The following GRM1 variants were observed in gnomAD, a reference collection of about 807,000 sequenced individuals.
The protein encoded by GRM1 is glutamate metabotropic receptor 1.
GRM1 carries 33 observed loss-of-function variants against 90.9 expected under a neutral mutation model. The observed-to-expected ratio is 0.36, with a 90% CI of 0.28 to 0.49. The LOEUF is 0.49. Among genes scored for constraint, GRM1 ranks in the 20% least tolerant of loss-of-function variants. GRM1 has a pLI of 0.99. For missense variants in GRM1, 1,190 were observed against 1,534.3 expected, an observed-to-expected ratio of 0.78 and a Z score of 3.75; for synonymous variants, 700 against 613.2, an observed-to-expected ratio of 1.14 and a Z score of -2.09.
intron 2 of GRM1, among the ~76,000 whole-genome samples, chr6:146,206,789 C>A (rs907266534): frequency 6.6e-6 from 1 of 151,976 alleles, no homozygotes; most frequent in South Asian, 2.1e-4. Flanking sequence ...CTTTTCTGCT[C>A]CTCTCTCTTC....
At chr6:146,071,590 T>G (rs1776019045) in intron 1 of GRM1, among the ~76,000 whole-genome samples, 1 of 152,174 alleles carries the variant, frequency 6.6e-6, no homozygotes, top group East Asian at 1.9e-4. Flanking sequence ...TACTAAAATC[T>G]GTTACTTTTT....
rs57950742 is a variant in GRM1 at position 146,434,862 on chromosome 6, A to C, written c.*66A>C. The C allele has an allele frequency of 2.6e-3, 3,628 of 1,390,590 alleles. 70 individuals carry two copies. In the African/African-American group the frequency reaches 0.045, roughly 17 times the overall value. The allele number at this position is 1,390,590 out of a possible 1,614,324, so 86.1% of individuals were successfully genotyped here. Reference sequence around the variant, plus strand: ...TCTCCCACACCTCCAGAGATGTGCAAACAGCTGGGAGGAAAAGCCTGGGAG... The same window carrying C: ...TCTCCCACACCTCCAGAGATGTGCACACAGCTGGGAGGAAAAGCCTGGGAG... On this transcript the variant is annotated 3_prime_UTR_variant, in exon 8 of 8. Coordinates refer to ENST00000282753, the MANE Select transcript of GRM1 (RefSeq NM_001278064.2).
In GRM1 at chr6:146,029,978, A is replaced by G; in HGVS notation, c.461A>G (p.Lys154Arg). The change falls in exon 1 of 8, where the codon AAG (lysine) becomes AGG (arginine). Residue 154 changes from lysine (K) to arginine (R), a missense_variant. Physicochemically the swap from Lys to Arg is conservative, Grantham distance 26. Coordinates refer to ENST00000282753, the MANE Select transcript of GRM1 (RefSeq NM_001278064.2). ...GQSLPPGRTK[K>R]PIAGVIGPGS... Reference sequence around the variant, plus strand: ...TCCCTCCCCCCAGGCAGGACTAAGAAGCCCATTGCGGGAGTGATCGGTCCC... The same window carrying G: ...TCCCTCCCCCCAGGCAGGACTAAGAGGCCCATTGCGGGAGTGATCGGTCCC... 1 of 1,614,152 alleles carries G rather than the reference A, an allele frequency of 6.2e-7. No homozygotes were observed. The highest frequency in any genetic ancestry group is 8.5e-7 in the Non-Finnish European group (1 of 1,180,020).
chr6:146,209,660 A>G (rs1006602623), intron 2 of GRM1, among the ~76,000 whole-genome samples: 2 of 152,160 alleles, frequency 1.3e-5, no homozygotes, highest in African/African-American at 2.4e-5. Flanking sequence ...TATTTCATTC[A>G]TGGAAGGGAG....
chr6:146,398,542 A>G (rs996254898), intron 6 of GRM1, among the ~76,000 whole-genome samples: 3 of 152,212 alleles, frequency 2.0e-5, no homozygotes, highest in Non-Finnish European at 4.4e-5. Flanking sequence ...TTATAGGTTC[A>G]AGTATGTCAC....
At chr6:146,135,676 G>T (rs969020036) in intron 1 of GRM1, among the ~76,000 whole-genome samples, 2 of 152,088 alleles carry the variant, frequency 1.3e-5, no homozygotes, top group African/African-American at 4.8e-5. Context: ...CATAGTAAGG[G>T]TATATATTTA....
chr6:146,179,281 TAA>T (rs1254932231), intron 2 of GRM1, among the ~76,000 whole-genome samples: 8 of 152,142 alleles, frequency 5.3e-5, no homozygotes, highest in African/African-American at 1.9e-4. Flanking sequence ...CTGGAAAAGA[TAA>T]AGTTTTACTT....
Position 146,435,148 on chromosome 6 carries a change from T to C in GRM1, c.*352T>C. ...CCTCTTTTGCACAATTGTGCATAGATATATATATGCCCACACACACTGGGC... is the reference window on the plus strand; with the variant it reads ...CCTCTTTTGCACAATTGTGCATAGACATATATATGCCCACACACACTGGGC... On this transcript the variant is annotated 3_prime_UTR_variant, in exon 8 of 8. Transcript: ENST00000282753. The C allele has an allele frequency of 2.5e-6, 1 of 395,048 alleles. No homozygotes were observed. The highest frequency in any genetic ancestry group is 3.7e-5 in the Admixed American group (1 of 27,170). The allele number at this position is 395,048 out of a possible 1,614,324, so 24.5% of individuals were successfully genotyped here.
chr6:146,390,337 CT>C (rs1344675246), intron 6 of GRM1, among the ~76,000 whole-genome samples: 1 of 151,646 alleles, frequency 6.6e-6, no homozygotes, highest in Non-Finnish European at 1.5e-5. Flanking sequence ...AGAGAAAGTG[CT>C]TTTTGAAGCT....
At chr6:146,083,057 A>C (rs1582977119) in intron 1 of GRM1, among the ~76,000 whole-genome samples, 1 of 152,092 alleles carries the variant, frequency 6.6e-6, no homozygotes, top group South Asian at 2.1e-4. Flanking sequence ...TGGTGTATAC[A>C]AATGCTTGTG....
intron 2 of GRM1, among the ~76,000 whole-genome samples, chr6:146,256,884 C>T (rs6904427): frequency 0.095 from 14,442 of 152,090 alleles, 1,822 homozygotes; most frequent in African/African-American, 0.28. Flanking sequence ...GTGGATTTCC[C>T]AGGGGTGTTC....
chr6:146,359,005 A>G (rs1775349059), intron 5 of GRM1, among the ~76,000 whole-genome samples: 1 of 152,174 alleles, frequency 6.6e-6, no homozygotes, highest in African/African-American at 2.4e-5. Context: ...TGCCATGGCT[A>G]TGGTAAATCT....
At position 146,434,173 on chromosome 6, in the gene GRM1, A is replaced by G. The variant is rs1583495145; in HGVS notation, c.2962A>G (p.Thr988Ala). 4 of 1,612,798 alleles carry G rather than the reference A, an allele frequency of 2.5e-6. No individual in the cohort carries two copies. The highest frequency in any genetic ancestry group is 3.4e-6 in the Non-Finnish European group (4 of 1,179,330). ...VHRRVPSAATTPPLPSHLTAE... is the reference protein window; with the variant it reads ...VHRRVPSAATAPPLPSHLTAE... ...CAGGCGCGTGCCAAGCGCGGCGACCACTCCGCCTCTGCCGTCCCACCTGAC... is the reference window on the plus strand; with the variant it reads ...CAGGCGCGTGCCAAGCGCGGCGACCGCTCCGCCTCTGCCGTCCCACCTGAC... Residue 988 changes from threonine (T) to alanine (A), a missense_variant, in exon 8 of 8, where the codon ACT becomes GCT. Around this residue, in one of 10 missense-constraint regions of GRM1, gnomAD observed 400 missense variants for 360.8 expected, o/e 1.11. Coordinates refer to ENST00000282753, the MANE Select transcript of GRM1 (RefSeq NM_001278064.2).
chr6:146,357,788 C>A, intron 5 of GRM1, 94 bp downstream of exon 5: 1 of 1,032,288 alleles, frequency 9.7e-7, no homozygotes, highest in Non-Finnish European at 1.5e-6. Context: ...AAAAACATAA[C>A]TGTCTAGAAA....
chr6:146,062,315 G>A (rs1270057777), intron 1 of GRM1, among the ~76,000 whole-genome samples: 1 of 151,000 alleles, frequency 6.6e-6, no homozygotes, highest in Non-Finnish European at 1.5e-5. Context: ...AACATAAGGA[G>A]GGGAACATCA....
chr6:146,071,554 T>C lies in GRM1; in HGVS notation c.700+41337T>C, dbSNP rs191915648. On this transcript the variant is annotated intron_variant, in intron 1 of 7. Coordinates refer to ENST00000282753, the MANE Select transcript of GRM1 (RefSeq NM_001278064.2). ...AAAGGCAAGACTTTTTGGAAGAGCA[T>C]GGTTTCTTTAGAAAGCATGAAGCAT... Among the ~76,000 whole-genome samples the C allele has an allele frequency of 2.0e-5, 3 of 152,294 alleles. No homozygotes were observed. The East Asian group carries it at 5.8e-4, about 29-fold the overall frequency.
intron 2 of GRM1, among the ~76,000 whole-genome samples, chr6:146,179,638 C>T (rs2114539485): frequency 6.6e-6 from 1 of 152,298 alleles, no homozygotes; most frequent in Non-Finnish European, 1.5e-5. Flanking sequence ...CTCAGCCTCC[C>T]AAGAAGCTGG....
intron 5 of GRM1, among the ~76,000 whole-genome samples, chr6:146,384,881 C>T (rs1324817270): frequency 2.0e-5 from 3 of 151,906 alleles, no homozygotes; most frequent in Admixed American, 6.6e-5. Context: ...GGATTAACAG[C>T]ACATTAATTG....
At chr6:146,101,848 A>G (rs963966146) in intron 1 of GRM1, among the ~76,000 whole-genome samples, 1 of 148,826 alleles carries the variant, frequency 6.7e-6, no homozygotes. Flanking sequence ...TAATTACTAT[A>G]ATATAATTAT....
Sources: allele counts gnomAD v4.1 joint callset (sites outside exome capture counted in the v4.1 genomes callset), GRCh38; gene constraint gnomAD v4.1.1; regional missense constraint gnomAD v4.1.1; transcripts MANE v1.5; gene names NCBI Gene and HGNC (gene_info 2026-07-23, HGNC 2026-07-21).